Variants in KIF4A observed in about 807,000 individuals in gnomAD.
KIF4A encodes chromosome-associated kinesin KIF4A.
A neutral mutation model predicts 105.9 loss-of-function variants in KIF4A; 7 were observed. The ratio of observed to expected loss-of-function variants is 0.07; its 90% CI spans 0.04 to 0.12. The LOEUF is 0.12. KIF4A is among the 10% of genes least tolerant of loss of function. The pLI, the probability that KIF4A is intolerant of heterozygous loss-of-function variation, is 1.00. For missense variants in KIF4A, 558 were observed against 929.2 expected (o/e 0.60, Z 5.19); for synonymous variants, 281 against 331.3 (o/e 0.85, Z 1.65).
At chrX:70,358,445 TGA>T (rs1336897655) in intron 15 of KIF4A, among the ~76,000 whole-genome samples, 1 of 112,137 alleles carries the variant, frequency 8.9e-6, no homozygotes, top group East Asian at 2.8e-4. Flanking sequence ...TATTCCACTC[TGA>T]GAGATTTCCC....
At chrX:70,313,798 A>G (rs988019448) in intron 7 of KIF4A, among the ~76,000 whole-genome samples, 3 of 112,210 alleles carry the variant, frequency 2.7e-5, no homozygotes, top group African/African-American at 9.7e-5. Context: ...AGGGGCTCTA[A>G]AGGAATTTTA....
intron 28 of KIF4A, 81 bp from the exon 29 acceptor site, chrX:70,417,806 AG>A: frequency 1.3e-6 from 1 of 743,975 alleles, no homozygotes; most frequent in Non-Finnish European, 2.0e-6. Flanking sequence ...TTTCTAGAAA[AG>A]CTTGCAAATG....
chrX:70,383,898 TG>T (rs1321955339), intron 18 of KIF4A, among the ~76,000 whole-genome samples: 2 of 111,468 alleles, frequency 1.8e-5, no homozygotes, highest in African/African-American at 6.5e-5. Context: ...GGTGGGGTGA[TG>T]GGGTTGTAGG....
chrX:70,395,390 A>G (rs752732521), intron 20 of KIF4A, among the ~76,000 whole-genome samples: 4 of 112,436 alleles, frequency 3.6e-5, no homozygotes, highest in African/African-American at 1.3e-4. Flanking sequence ...GTTAAGGGCA[A>G]AGGAAAAAAA....
chrX:70,373,538 A>G (rs1246619916), intron 15 of KIF4A, among the ~76,000 whole-genome samples: 2 of 43,376 alleles, frequency 4.6e-5, no homozygotes, highest in African/African-American at 1.2e-4. Flanking sequence ...ATATATATAT[A>G]TATATATATA....
At chrX:70,356,205 A>T (rs927242934) in intron 15 of KIF4A, among the ~76,000 whole-genome samples, 8 of 110,271 alleles carry the variant, frequency 7.3e-5, no homozygotes, top group African/African-American at 2.6e-4. Flanking sequence ...ACCTGAGCAC[A>T]GGGAGGTGGA....
intron 17 of KIF4A, among the ~76,000 whole-genome samples, chrX:70,375,808 A>G (rs1469663103): frequency 8.9e-6 from 1 of 112,186 alleles, no homozygotes; most frequent in African/African-American, 3.2e-5. Context: ...CTGGAGGCTT[A>G]GTAGATGTTT....
chrX:70,309,092 A>C (rs184995825), intron 7 of KIF4A, among the ~76,000 whole-genome samples: 42 of 112,196 alleles, frequency 3.7e-4, no homozygotes, highest in African/African-American at 1.2e-3. Context: ...AACATGTGAG[A>C]GTATTCTCTG....
At chrX:70,313,371 C>T (rs776488794) in intron 7 of KIF4A, among the ~76,000 whole-genome samples, 1 of 111,862 alleles carries the variant, frequency 8.9e-6, no homozygotes, top group Non-Finnish European at 1.9e-5. Context: ...TTCATTTATA[C>T]CCAATCTGAT....
At chrX:70,347,046 C>T (rs2085995740) in intron 13 of KIF4A, among the ~76,000 whole-genome samples, 1 of 112,070 alleles carries the variant, frequency 8.9e-6, no homozygotes. Context: ...TCAAGCAAAC[C>T]TCCTTGTGCA....
chrX:70,378,284 C>T (rs2086182765), intron 18 of KIF4A, among the ~76,000 whole-genome samples: 1 of 110,114 alleles, frequency 9.1e-6, no homozygotes, highest in Non-Finnish European at 1.9e-5. Flanking sequence ...AGTTCAAGAC[C>T]AGCCTGGGCA....
chrX:70,337,168 C>T (rs1296101968), intron 10 of KIF4A, among the ~76,000 whole-genome samples: 1 of 111,673 alleles, frequency 9.0e-6, no homozygotes, highest in Admixed American at 9.5e-5. Flanking sequence ...CATCTTTTGG[C>T]TATTGTGAAT....
At chrX:70,331,877 T>C (rs2085932329) in intron 9 of KIF4A, among the ~76,000 whole-genome samples, 1 of 112,163 alleles carries the variant, frequency 8.9e-6, no homozygotes, top group South Asian at 3.7e-4. Context: ...TGGAGACCAT[T>C]TAAGAAGGTA....
intron 15 of KIF4A, among the ~76,000 whole-genome samples, chrX:70,370,324 G>A (rs770988261): frequency 9.1e-6 from 1 of 110,216 alleles, no homozygotes; most frequent in African/African-American, 3.3e-5. Context: ...CTTCTGGAGG[G>A]GGACTGGAAT....
chrX:70,373,514 G>A (rs1471788792), intron 15 of KIF4A, among the ~76,000 whole-genome samples: 9 of 9,805 alleles, frequency 9.2e-4, no homozygotes, highest in South Asian at 0.029. Context: ...ATATATACAT[G>A]TGTGTGTATG....
intron 20 of KIF4A, among the ~76,000 whole-genome samples, chrX:70,390,039 G>A (rs902831909): frequency 1.9e-4 from 21 of 112,037 alleles, no homozygotes; most frequent in African/African-American, 6.8e-4. Context: ...ATTTCTCTCA[G>A]CAACATTTTA....
chrX:70,379,792 GAA>G (rs772896645), intron 18 of KIF4A, among the ~76,000 whole-genome samples: 2 of 67,916 alleles, frequency 2.9e-5, no homozygotes, highest in Non-Finnish European at 2.8e-5. Flanking sequence ...TTCTGTCTCA[GAA>G]AAAAAAAAAA....
At chrX:70,416,295 C>T (rs1028983211) in intron 28 of KIF4A, among the ~76,000 whole-genome samples, 1 of 107,441 alleles carries the variant, frequency 9.3e-6, no homozygotes, top group Non-Finnish European at 1.9e-5. Flanking sequence ...AAGCTGTTGA[C>T]TCACAGAGCT....
At chrX:70,325,200 G>T (rs112222192) in intron 7 of KIF4A, among the ~76,000 whole-genome samples, 2,700 of 112,271 alleles carry the variant, frequency 0.024, 32 homozygotes, top group Non-Finnish European at 0.038. Flanking sequence ...TTAAATTCAT[G>T]TAAATTTATA....
Sources: gnomAD v4.1 joint callset for allele counts (sites outside exome capture counted in the v4.1 genomes callset) on GRCh38, gnomAD v4.1.1 for gene constraint, MANE v1.5 for transcripts, NCBI Gene and HGNC (gene_info 2026-07-23, HGNC 2026-07-21) for gene names.